CDC27: variants seen among roughly 807,000 people sequenced by gnomAD.
The protein encoded by CDC27 is cell division cycle protein 27 homolog.
In CDC27, 27 loss-of-function variants were observed where a neutral mutation model predicts 109.7. The ratio of observed to expected loss-of-function variants is 0.25; its 90% CI spans 0.18 to 0.34. The LOEUF is 0.34. Among genes scored for constraint, CDC27 ranks in the 10% least tolerant of loss-of-function variants. The pLI is 1.00. For synonymous variants in CDC27, 266 were observed against 333.9 expected, an observed-to-expected ratio of 0.80 and a Z score of 2.22; for missense variants, 579 against 960.2, an observed-to-expected ratio of 0.60 and a Z score of 5.25.
At chr17:47,122,685 T>A (rs2062014355) in intron 17 of CDC27, 85 bp from the exon 18 acceptor site, 2 of 991,102 alleles carry the variant, frequency 2.0e-6, no homozygotes, top group Non-Finnish European at 1.4e-6. Context: ...CTTATTTATT[T>A]ATTTTTGAGA....
chr17:47,180,828 A>C (rs1396002743), intron 2 of CDC27, among the ~76,000 whole-genome samples: 1 of 151,780 alleles, frequency 6.6e-6, no homozygotes, highest in Admixed American at 6.6e-5. Context: ...ATTTTCAGAT[A>C]TTAAAGTAAC....
At position 47,175,037 on chromosome 17, in the gene CDC27, G is replaced by C. The variant is rs57622200; in HGVS notation, c.104-2973C>G. Among the ~76,000 whole-genome samples the C allele has an allele frequency of 1.0e-4, 14 of 137,032 alleles. No individual in the cohort carries two copies. In the Admixed American group the frequency reaches 1.1e-3, roughly 10 times the overall value. The allele number at this position is 137,032 out of a possible 152,430, so 89.9% of individuals were successfully genotyped here. A position where few individuals can be genotyped will look rare whatever the true frequency, so the allele number is the denominator to read the frequency against. ...AAAGAAAGAAAGAGAGAAAGAGAGA[G>C]AGAGGAAGGAAGGAAGGAAGGAAGG... On this transcript the variant is annotated intron_variant, in intron 2 of 18. Coordinates refer to ENST00000066544, the MANE Select transcript of CDC27 (RefSeq NM_001256.6).
chr17:47,121,828 C>A (rs1429556365), intron 18 of CDC27, among the ~76,000 whole-genome samples: 3 of 151,770 alleles, frequency 2.0e-5, no homozygotes, highest in African/African-American at 7.3e-5. Flanking sequence ...CAACTTCAGC[C>A]TCCTGGGTTC....
intron 16 of CDC27, among the ~76,000 whole-genome samples, chr17:47,125,131 G>C (rs989754966): frequency 2.6e-5 from 4 of 151,646 alleles, no homozygotes; most frequent in African/African-American, 9.7e-5. Context: ...AGTTGCCCAG[G>C]CTGGTCTTGA....
intron 17 of CDC27, among the ~76,000 whole-genome samples, chr17:47,123,402 C>CTTT (rs57868315): frequency 6.5e-5 from 8 of 123,002 alleles, no homozygotes; most frequent in Non-Finnish European, 1.0e-4. Flanking sequence ...TTTTTTTCTA[C>CTTT]TTTTTTTTTT....
intron 15 of CDC27, among the ~76,000 whole-genome samples, chr17:47,130,465 A>G (rs2062288923): frequency 6.6e-6 from 1 of 152,260 alleles, no homozygotes; most frequent in Non-Finnish European, 1.5e-5. Context: ...CAAATAACTT[A>G]AGATATTTTA....
chr17:47,130,574 T>C (rs2062293188), intron 15 of CDC27, among the ~76,000 whole-genome samples: 1 of 152,096 alleles, frequency 6.6e-6, no homozygotes, highest in Non-Finnish European at 1.5e-5. Context: ...GGACAAATTA[T>C]ATGTTATAAA....
chr17:47,146,709 T>C (rs1213065433), intron 9 of CDC27, among the ~76,000 whole-genome samples: 2 of 152,176 alleles, frequency 1.3e-5, no homozygotes, highest in African/African-American at 4.8e-5. Context: ...GCAACTTTAC[T>C]GCATCTCAGA....
chr17:47,139,411 C>T (rs1303556736), intron 12 of CDC27, among the ~76,000 whole-genome samples: 12 of 152,012 alleles, frequency 7.9e-5, no homozygotes, highest in South Asian at 4.2e-4. Context: ...GGACTACAGG[C>T]GCCTGCCACC....
chr17:47,174,770 A>G (rs1272232614), intron 2 of CDC27, among the ~76,000 whole-genome samples: 1 of 152,208 alleles, frequency 6.6e-6, no homozygotes, highest in African/African-American at 2.4e-5. Flanking sequence ...AGCCTGGCCA[A>G]CATGGTGAAA....
At chr17:47,183,954 T>C (rs1048257695) in intron 1 of CDC27, among the ~76,000 whole-genome samples, 2 of 152,206 alleles carry the variant, frequency 1.3e-5, no homozygotes, top group African/African-American at 4.8e-5. Context: ...AGAAACTCTG[T>C]GATAAATAGA....
chr17:47,151,711 T>C (rs1719198428), intron 9 of CDC27, 95 bp downstream of exon 9: 5 of 921,966 alleles, frequency 5.4e-6, no homozygotes, highest in Non-Finnish European at 7.8e-6. Context: ...GTAGTTATTC[T>C]AGAATCCACG....
At chr17:47,171,426 GA>G (rs1455856682) in intron 3 of CDC27, among the ~76,000 whole-genome samples, 1 of 152,160 alleles carries the variant, frequency 6.6e-6, no homozygotes, top group Non-Finnish European at 1.5e-5. Flanking sequence ...TTACAGTACA[GA>G]AAAGAATTGA....
In CDC27 at chr17:47,120,778, C is replaced by G; in HGVS notation, c.*157G>C. ...GCTAAATATTGCACTGCCTTTCATTCTGTATACAGTCAGGGTCCAATGAAA... is the reference window on the plus strand; with the variant it reads ...GCTAAATATTGCACTGCCTTTCATTGTGTATACAGTCAGGGTCCAATGAAA... On this transcript the variant is annotated 3_prime_UTR_variant, in exon 19 of 19. Transcript: ENST00000066544. The G allele has an allele frequency of 3.6e-6, 2 of 560,322 alleles. No homozygotes were observed. Among genetic ancestry groups the G allele is most frequent in the South Asian group, 2.5e-5 (1 of 39,820 alleles). The allele number at this position is 560,322 out of a possible 1,614,324, so 34.7% of individuals were successfully genotyped here. A position where few individuals can be genotyped will look rare whatever the true frequency, so the allele number is the denominator to read the frequency against.
chr17:47,138,514 A>G (rs2062692247), intron 13 of CDC27, among the ~76,000 whole-genome samples: 2 of 152,204 alleles, frequency 1.3e-5, no homozygotes, highest in South Asian at 4.1e-4. Context: ...TCAAATCTCG[A>G]TAAATCCTGA....
chr17:47,143,940 TG>T lies in CDC27; in HGVS notation c.1112del (p.Pro371GlnfsTer26), dbSNP rs1568397349. ...QVLSPTITSP[P>X]NALPRRSSRL... ...GTGAACTTCTTCGAGGCAGTGCGTT[TG>T]GGGGAGATGTAATAGTGGGGCTCAA... On this transcript the variant is annotated frameshift_variant, in exon 10 of 19. Coordinates refer to ENST00000066544, the MANE Select transcript of CDC27 (RefSeq NM_001256.6). LOFTEE classifies it high-confidence loss of function. 3 of 1,494,168 alleles carry T rather than the reference TG, an allele frequency of 2.0e-6. No homozygotes were observed. The highest frequency in any genetic ancestry group is 1.5e-5 in the South Asian group (1 of 68,510). The allele number at this position is 1,494,168 out of a possible 1,614,324, so 92.6% of individuals were successfully genotyped here.
intron 9 of CDC27, among the ~76,000 whole-genome samples, chr17:47,151,366 A>C (rs201835938): frequency 1.3e-5 from 2 of 152,038 alleles, no homozygotes; most frequent in Non-Finnish European, 2.9e-5. Context: ...TGTTAGCTAT[A>C]ATCTATTGAG....
chr17:47,171,792 G>A lies in CDC27; in HGVS notation c.251+125C>T, dbSNP rs909644337. ...CCATAGGCAACAGTGTAAACATTTCGAATGTTACTGAAATAGATGGAAAAC... is the reference window on the plus strand; with the variant it reads ...CCATAGGCAACAGTGTAAACATTTCAAATGTTACTGAAATAGATGGAAAAC... On this transcript the variant is annotated intron_variant, in intron 3 of 18. Transcript: ENST00000066544. 3.3e-5 allele frequency: 21 copies of A among 634,778 alleles called. 1 individual carries two copies. Among genetic ancestry groups the A allele is most frequent in the South Asian group, 2.3e-4 (11 of 48,106 alleles). 39.3% of individuals were successfully genotyped at this position (634,778 alleles called of 1,614,324 possible).
At chr17:47,122,224 G>T (rs951098921) in intron 18 of CDC27, among the ~76,000 whole-genome samples, 18 of 151,486 alleles carry the variant, frequency 1.2e-4, no homozygotes, top group African/African-American at 4.1e-4. Flanking sequence ...ACTTAGCAAT[G>T]AATTTGTCAA....
Sources: gnomAD v4.1 joint callset for allele counts (sites outside exome capture counted in the v4.1 genomes callset) on GRCh38, gnomAD v4.1.1 for gene constraint, MANE v1.5 for transcripts, NCBI Gene and HGNC (gene_info 2026-07-23, HGNC 2026-07-21) for gene names.